The following CMTM8 variants were observed in gnomAD, a reference collection of about 807,000 sequenced individuals.
The protein encoded by CMTM8 is CKLF like MARVEL transmembrane domain containing 8, also known as CKLF-like MARVEL transmembrane domain-containing protein 8.
In CMTM8, 12 loss-of-function variants were observed where a neutral mutation model predicts 18.6. That is an observed-to-expected ratio of 0.65 (90% CI 0.41 to 1.05). CMTM8 has a LOEUF of 1.05. Among genes scored for constraint, CMTM8 ranks in the 50% least tolerant of loss-of-function variants. CMTM8 has a pLI of 0.00. For synonymous variants in CMTM8, 87 were observed against 90.6 expected (o/e 0.96, Z 0.23); for missense variants, 217 against 227.2 (o/e 0.95, Z 0.29).
intron 1 of CMTM8, among the ~76,000 whole-genome samples, chr3:32,286,970 G>C (rs1380229145): frequency 2.0e-5 from 3 of 152,242 alleles, no homozygotes; most frequent in Non-Finnish European, 4.4e-5. Context: ...TCTCGGCTCT[G>C]AGCGTGGGCA....
At chr3:32,271,640 C>T (rs1214894596) in intron 1 of CMTM8, among the ~76,000 whole-genome samples, 1 of 152,124 alleles carries the variant, frequency 6.6e-6, no homozygotes, top group African/African-American at 2.4e-5. Flanking sequence ...TTTGCCCCTT[C>T]TAGGTTGATG....
chr3:32,282,665 A>G (rs1173693965), intron 1 of CMTM8, among the ~76,000 whole-genome samples: 1 of 152,130 alleles, frequency 6.6e-6, no homozygotes, highest in Non-Finnish European at 1.5e-5. Context: ...TCCTGGTAAG[A>G]TGTGTCATGA....
intron 1 of CMTM8, among the ~76,000 whole-genome samples, chr3:32,260,683 CCCT>C (rs1702243840): frequency 6.8e-6 from 1 of 146,932 alleles, no homozygotes; most frequent in Non-Finnish European, 1.5e-5. Flanking sequence ...TTTTTTTTCC[CCCT>C]GTTTTCACAT....
chr3:32,295,763 G>A (rs892246994), intron 1 of CMTM8, among the ~76,000 whole-genome samples: 1 of 151,986 alleles, frequency 6.6e-6, no homozygotes, highest in Non-Finnish European at 1.5e-5. Flanking sequence ...CATGGCCTCC[G>A]GGCTATGGTT....
chr3:32,244,985 C>A lies in CMTM8; in HGVS notation c.147+5866C>A, dbSNP rs1314026991. The stretch of plus-strand genomic sequence containing the variant: ...AAAAAATTCCAAATGTTAATGATCA[C>A]CTTAAATAACGTACTGTGTTTTATT... On this transcript the variant is annotated intron_variant, in intron 1 of 3. Transcript: ENST00000307526. 2.0e-5 allele frequency among the ~76,000 whole-genome samples: 3 copies of A among 152,160 alleles called. No homozygotes were observed. The East Asian group carries it at 5.8e-4, about 29-fold the overall frequency.
chr3:32,327,259 T>G (rs1696180978), intron 1 of CMTM8, among the ~76,000 whole-genome samples: 1 of 152,232 alleles, frequency 6.6e-6, no homozygotes, highest in Non-Finnish European at 1.5e-5. Context: ...AGTACTTCTC[T>G]GAGGCTTTTA....
chr3:32,244,118 G>C (rs1701980324), intron 1 of CMTM8: 1 of 153,296 alleles, frequency 6.5e-6, no homozygotes, highest in Non-Finnish European at 1.5e-5. Context: ...TCAGGTCCAG[G>C]GAGCTAGAAG....
At chr3:32,282,556 A>G (rs940942233) in intron 1 of CMTM8, among the ~76,000 whole-genome samples, 1 of 152,090 alleles carries the variant, frequency 6.6e-6, no homozygotes, top group Admixed American at 6.6e-5. Flanking sequence ...CCAAACTAAC[A>G]TCCTCTCTTG....
At chr3:32,239,823 G>A (rs1701922313) in intron 1 of CMTM8, among the ~76,000 whole-genome samples, 1 of 152,156 alleles carries the variant, frequency 6.6e-6, no homozygotes, top group South Asian at 2.1e-4. Flanking sequence ...AGTTAGAGGT[G>A]GTCACTGTTT....
chr3:32,269,107 G>T (rs1381499708), intron 1 of CMTM8, among the ~76,000 whole-genome samples: 1 of 152,206 alleles, frequency 6.6e-6, no homozygotes, highest in Non-Finnish European at 1.5e-5. Context: ...GATATTCTCA[G>T]ATAAGTCACT....
In CMTM8 at chr3:32,370,118, A is replaced by G; in HGVS notation, c.*151A>G. On this transcript the variant is annotated 3_prime_UTR_variant, in exon 4 of 4. Transcript: ENST00000307526. The stretch of plus-strand genomic sequence containing the variant: ...TGCTCACAAATTGTGGTTTGTTACA[A>G]TTAAACTGGATACTTATTTGCAAAG... The G allele has an allele frequency of 6.9e-6, 3 of 431,724 alleles. No homozygotes were observed. Among genetic ancestry groups the G allele is most frequent in the South Asian group, 8.3e-5 (2 of 24,232 alleles). The allele number at this position is 431,724 out of a possible 1,614,324, so 26.7% of individuals were successfully genotyped here.
At chr3:32,291,129 G>A (rs930357323) in intron 1 of CMTM8, among the ~76,000 whole-genome samples, 6 of 151,420 alleles carry the variant, frequency 4.0e-5, no homozygotes, top group African/African-American at 1.2e-4. Context: ...GAGTAGAGAA[G>A]AAATTTTTTT....
intron 1 of CMTM8, among the ~76,000 whole-genome samples, chr3:32,337,210 C>T (rs1386950115): frequency 6.6e-6 from 1 of 152,126 alleles, no homozygotes; most frequent in East Asian, 1.9e-4. Flanking sequence ...ACCAAGTTTC[C>T]AACACATAAA....
intron 1 of CMTM8, among the ~76,000 whole-genome samples, chr3:32,286,448 A>G (rs1377261665): frequency 6.6e-6 from 1 of 152,134 alleles, no homozygotes; most frequent in Non-Finnish European, 1.5e-5. Context: ...TAAACGAAGA[A>G]GCTGTGGAAA....
intron 1 of CMTM8, among the ~76,000 whole-genome samples, chr3:32,323,300 C>A (rs2125578842): frequency 6.6e-6 from 1 of 152,272 alleles, no homozygotes; most frequent in South Asian, 2.1e-4. Flanking sequence ...CCTTGAGATG[C>A]CTTCATGGAT....
chr3:32,341,665 T>C (rs1326935998), intron 1 of CMTM8, among the ~76,000 whole-genome samples: 2 of 151,602 alleles, frequency 1.3e-5, no homozygotes, highest in African/African-American at 2.4e-5. Context: ...TCACCTGAGG[T>C]CAGGAGTTCA....
chr3:32,357,100 C>G (rs1353272622), intron 1 of CMTM8, among the ~76,000 whole-genome samples: 1 of 152,026 alleles, frequency 6.6e-6, no homozygotes, highest in Non-Finnish European at 1.5e-5. Flanking sequence ...TTGACTTAGC[C>G]AGGCATGGTG....
At position 32,334,613 on chromosome 3, in the gene CMTM8, A is replaced by G. The variant is rs148719950; in HGVS notation, c.148-22760A>G. On this transcript the variant is annotated intron_variant, in intron 1 of 3. Coordinates refer to ENST00000307526, the MANE Select transcript of CMTM8 (RefSeq NM_178868.5). ...AGAGCAAGACTCCATCTCAAAAAAA[A>G]AAAAGTGAAGGAGCATGTCCCAGAA... 7.8e-3 allele frequency among the ~76,000 whole-genome samples: 1,189 copies of G among 152,166 alleles called. 8 individuals carry two copies. Among genetic ancestry groups the G allele is most frequent in the Middle Eastern group, 0.017 (5 of 294 alleles).
chr3:32,247,672 G>A (rs145792716), intron 1 of CMTM8, among the ~76,000 whole-genome samples: 169 of 152,268 alleles, frequency 1.1e-3, no homozygotes, highest in African/African-American at 3.8e-3. Flanking sequence ...TGTTGGCCAG[G>A]CTGGTTTCGA....
Sources: gnomAD v4.1 joint callset for allele counts (sites outside exome capture counted in the v4.1 genomes callset) on GRCh38, gnomAD v4.1.1 for gene constraint, MANE v1.5 for transcripts, NCBI Gene and HGNC (gene_info 2026-07-23, HGNC 2026-07-21) for gene names.